Variants in PROCA1 observed in about 807,000 individuals in gnomAD.
The protein encoded by PROCA1 is protein interacting with cyclin A1.
A neutral mutation model predicts 23.2 loss-of-function variants in PROCA1; 22 were observed. That is an observed-to-expected ratio of 0.95 (90% CI 0.68 to 1.35). PROCA1 has a LOEUF of 1.35. Ranked by LOEUF, PROCA1 falls within the 40% of genes most tolerant of loss-of-function variation. PROCA1 has a pLI of 0.00. For synonymous variants in PROCA1, 182 were observed against 179.2 expected, an observed-to-expected ratio of 1.02 and a Z score of -0.12; for missense variants, 469 against 459.8, an observed-to-expected ratio of 1.02 and a Z score of -0.18.
At position 28,704,853 on chromosome 17, in the gene PROCA1, C is replaced by T. The variant is rs1415787513; in HGVS notation, c.176-10G>A. The T allele has an allele frequency of 1.2e-6, 2 of 1,611,122 alleles. No homozygotes were observed. Among genetic ancestry groups the T allele is most frequent in the Non-Finnish European group, 1.7e-6 (2 of 1,179,492 alleles). On this transcript the variant is annotated splice_polypyrimidine_tract_variant and intron_variant, in intron 2 of 4. Transcript: ENST00000682792. The stretch of plus-strand genomic sequence containing the variant: ...GGCTCCTTGCAGTCACCTGAGGGGG[C>T]AGGAGTCTGGGTCATCAGTAGCAGC...
chr17:28,704,654 A>G (rs772906505), intron 3 of PROCA1, 54 bp downstream of exon 3: 122 of 1,605,804 alleles, frequency 7.6e-5, no homozygotes, highest in Non-Finnish European at 1.0e-4. Context: ...GGAGACCACA[A>G]TGAAAGTTCG....
intron 1 of PROCA1, among the ~76,000 whole-genome samples, chr17:28,709,155 A>G (rs778860976): frequency 6.8e-4 from 103 of 152,226 alleles, no homozygotes; most frequent in Non-Finnish European, 1.1e-3. Context: ...TCCATAGCCT[A>G]TGCTCTTTCA....
intron 1 of PROCA1, 187 bp downstream of exon 1, chr17:28,711,383 C>T (rs2032774006): frequency 3.1e-5 from 18 of 581,252 alleles, no homozygotes; most frequent in Non-Finnish European, 4.8e-5. Flanking sequence ...GCCCGCGGCT[C>T]GACGCGAGCC....
At chr17:28,708,730 G>GATAAAAAAAAAAA (rs1368224587) in intron 1 of PROCA1, among the ~76,000 whole-genome samples, 86 of 113,170 alleles carry the variant, frequency 7.6e-4, no homozygotes, top group Non-Finnish European at 1.3e-4. Flanking sequence ...TCCAGAAAAA[G>GATAAAAAAAAAAA]GAAAAAAAAA....
Position 28,704,105 on chromosome 17 carries a change from CT to C in PROCA1, c.547del (p.Ser183AlafsTer18). On this transcript the variant is annotated frameshift_variant, in exon 5 of 5. Coordinates refer to ENST00000682792, the MANE Select transcript of PROCA1 (RefSeq NM_001366301.1). LOFTEE classifies it high-confidence loss of function. ...NEEEEEEEEE[S>X]KPPIPTQVGP... ...CACCTGTGTCGGGATGGGGGGCTTG[CT>C]TTCCTCCTCCTCCTCTTCCTCTTCT... 1 of 1,581,134 alleles carries C rather than the reference CT, an allele frequency of 6.3e-7. No individual in the cohort carries two copies. The highest frequency in any genetic ancestry group is 8.6e-7 in the Non-Finnish European group (1 of 1,168,500).
intron 1 of PROCA1, among the ~76,000 whole-genome samples, chr17:28,708,418 G>A (rs1021732993): frequency 5.9e-5 from 9 of 152,092 alleles, no homozygotes; most frequent in African/African-American, 2.2e-4. Flanking sequence ...GTTCTTCCCT[G>A]TCTCCTTTGC....
intron 1 of PROCA1, chr17:28,710,742 T>C: frequency 7.8e-7 from 1 of 1,289,382 alleles, no homozygotes; most frequent in Non-Finnish European, 1.0e-6. Flanking sequence ...CCAGAGTTCC[T>C]GCAGCAGGAG....
At chr17:28,707,599 C>T (rs993635844) in intron 1 of PROCA1, 1 of 152,244 alleles carries the variant, frequency 6.6e-6, no homozygotes, top group Non-Finnish European at 1.5e-5. Flanking sequence ...GGGTGTCCCT[C>T]CTTTCTCATG....
Position 28,704,073 on chromosome 17 carries a change from C to G in PROCA1, c.580G>C (p.Ala194Pro). 1 of 1,595,072 alleles carries G rather than the reference C, an allele frequency of 6.3e-7. No homozygotes were observed. The highest frequency in any genetic ancestry group is 8.5e-7 in the Non-Finnish European group (1 of 1,173,786). ...KPPIPTQVGP[A>P]TASPDLGTSM... Reference sequence around the variant, plus strand: ...GTGCCTAGGTCAGGGGAGGCGGTGGCGGGCCCCACCTGTGTCGGGATGGGG... The same window carrying G: ...GTGCCTAGGTCAGGGGAGGCGGTGGGGGGCCCCACCTGTGTCGGGATGGGG... The change falls in exon 5 of 5, where the codon GCC (alanine) becomes CCC (proline). Residue 194 changes from alanine (A) to proline (P), a missense_variant. By Grantham distance (27) the Ala-to-Pro change is conservative. Coordinates refer to ENST00000682792, the MANE Select transcript of PROCA1 (RefSeq NM_001366301.1).
At chr17:28,710,978 T>TGGGAAGGGATGGAAGGAGTAGGGC in intron 1 of PROCA1, 1 of 312,598 alleles carries the variant, frequency 3.2e-6, no homozygotes, top group Non-Finnish European at 4.4e-6. Flanking sequence ...AGGAGTAGGG[T>TGGGAAGGGATGGAAGGAGTAGGGC]GGGAAGGGAG....
intron 1 of PROCA1, 121 bp downstream of exon 1, chr17:28,711,449 C>CCCCGCCTCTCTCGTTGGTTTG: frequency 4.8e-6 from 4 of 832,502 alleles, no homozygotes; most frequent in Non-Finnish European, 7.2e-6. Flanking sequence ...CAGCACTGGG[C>CCCCGCCTCTCTCGTTGGTTTG]CCCGCCTCTC....
In PROCA1 at chr17:28,704,381, G is replaced by A. The variant is rs772949803; in HGVS notation, c.366C>T (p.Cys122=). 7 of 1,614,002 alleles carry A rather than the reference G, an allele frequency of 4.3e-6. No individual in the cohort carries two copies. The highest frequency in any genetic ancestry group is 4.5e-5 in the East Asian group (2 of 44,900). The change falls in exon 4 of 5, where the codon TGC becomes TGT. Residue 122 remains cysteine, a synonymous_variant. Transcript: ENST00000682792. The part of the protein sequence containing the change: ...SSSSRGAGPT[C]SHVIESPCFE... ...AGCAAGGGGACTCGATGACATGGGA[G>A]CAGGTTGGGCCCGCGCCCCGGGAGC... is the stretch of plus-strand genomic sequence containing the variant.
chr17:28,708,075 T>G (rs1296551985), intron 1 of PROCA1, among the ~76,000 whole-genome samples: 1 of 152,142 alleles, frequency 6.6e-6, no homozygotes, highest in Non-Finnish European at 1.5e-5. Flanking sequence ...AGTGGTGGGA[T>G]CTCGGCTTAC....
intron 2 of PROCA1, chr17:28,706,398 T>G (rs1020698070): frequency 4.8e-6 from 1 of 209,722 alleles, no homozygotes; most frequent in African/African-American, 2.3e-5. Flanking sequence ...ATCCACAAAA[T>G]GGGATGGTGG....
At chr17:28,707,071 A>G (rs1014564554) in intron 1 of PROCA1, 33 of 318,734 alleles carry the variant, frequency 1.0e-4, no homozygotes, top group Non-Finnish European at 2.1e-4. Flanking sequence ...AGGACTGGGG[A>G]CTATGGAAGA....
At chr17:28,710,368 G>A (rs548652082) in intron 1 of PROCA1, among the ~76,000 whole-genome samples, 49 of 151,962 alleles carry the variant, frequency 3.2e-4, no homozygotes, top group Non-Finnish European at 6.6e-4. Context: ...ATAGCTGGGC[G>A]TGGTGGCGCG....
At chr17:28,711,269 A>C (rs2032768331) in intron 1 of PROCA1, 1 of 661,894 alleles carries the variant, frequency 1.5e-6, no homozygotes, top group African/African-American at 1.9e-5. Context: ...GCCCGGTGCC[A>C]CCCAGTCCGA....
rs762952328 is a variant in PROCA1 at position 28,706,702 on chromosome 17, A to C, written c.153T>G (p.Thr51=). The C allele has an allele frequency of 1.4e-5, 18 of 1,303,618 alleles. No individual in the cohort carries two copies. Among genetic ancestry groups the C allele is most frequent in the Admixed American group, 9.2e-5 (4 of 43,510 alleles). 80.8% of individuals were successfully genotyped at this position (1,303,618 alleles called of 1,614,324 possible). A position where few individuals can be genotyped will look rare whatever the true frequency, so the allele number is the denominator to read the frequency against. ...CACCTTCAGAGAAGGTAGACACATC[A>C]GTGCTGGACGCCACACCAGCCAGCA... ...GHLLAGVASS[T]DVSTFSEGDC... is the part of the protein sequence containing the mutation. The change falls in exon 2 of 5, where the codon ACT becomes ACG. Residue 51 remains threonine, a synonymous_variant. Coordinates refer to ENST00000682792, the MANE Select transcript of PROCA1 (RefSeq NM_001366301.1).
At chr17:28,711,241 T>G in intron 1 of PROCA1, 1 of 929,584 alleles carries the variant, frequency 1.1e-6, no homozygotes. Context: ...GGCCGGCGCT[T>G]CAAGGGCAGC....
Sources: gnomAD v4.1 joint callset for allele counts (sites outside exome capture counted in the v4.1 genomes callset) on GRCh38, gnomAD v4.1.1 for gene constraint, MANE v1.5 for transcripts, NCBI Gene and HGNC (gene_info 2026-07-23, HGNC 2026-07-21) for gene names.